Variants in WWOX observed in about 807,000 individuals in gnomAD.
WWOX encodes the protein WW domain containing oxidoreductase.
A neutral mutation model predicts 46.2 loss-of-function variants in WWOX; 69 were observed. That is an observed-to-expected ratio of 1.49 (90% CI 1.23 to 1.82). The LOEUF is 1.82. Ranked by LOEUF, WWOX falls within the 40% of genes most tolerant of loss-of-function variation. The pLI is 0.00. For synonymous variants in WWOX, 359 were observed against 202.6 expected (o/e 1.77, Z -6.56); for missense variants, 919 against 542.6 (o/e 1.69, Z -6.89).
intron 8 of WWOX, among the ~76,000 whole-genome samples, chr16:78,585,468 C>T (rs756463571): frequency 6.6e-6 from 1 of 152,134 alleles, no homozygotes; most frequent in Non-Finnish European, 1.5e-5. Flanking sequence ...GGGCCCCCAA[C>T]TCAACTTTCA....
intron 8 of WWOX, among the ~76,000 whole-genome samples, chr16:78,753,164 G>T (rs554611794): frequency 6.6e-6 from 1 of 152,084 alleles, no homozygotes; most frequent in Non-Finnish European, 1.5e-5. Flanking sequence ...GCCGGGCGTG[G>T]GGGCAGGCGC....
Position 78,623,492 on chromosome 16 carries a change from C to T in WWOX, c.1056+190740C>T, listed in dbSNP as rs978360505. The stretch of plus-strand genomic sequence containing the variant: ...GTCATGAGTTCGAGACCAGCCTGGG[C>T]AACATGCTGAAACCCCATCTCTACT... On this transcript the variant is annotated intron_variant, in intron 8 of 8. Coordinates refer to ENST00000566780, the MANE Select transcript of WWOX (RefSeq NM_016373.4). 2.0e-5 allele frequency among the ~76,000 whole-genome samples: 3 copies of T among 152,198 alleles called. No individual in the cohort carries two copies. In the East Asian group the frequency reaches 5.8e-4, roughly 30 times the overall value.
At chr16:78,869,273 T>G (rs2044074348) in intron 8 of WWOX, among the ~76,000 whole-genome samples, 1 of 152,152 alleles carries the variant, frequency 6.6e-6, no homozygotes, top group African/African-American at 2.4e-5. Context: ...ATGAAACACT[T>G]AGGGGTTAGA....
In WWOX at chr16:79,090,318, T is replaced by TGTGA. The variant is rs1012430367; in HGVS notation, c.1057-121289_1057-121288insTGAG. 3.4e-5 allele frequency among the ~76,000 whole-genome samples: 5 copies of TGTGA among 146,756 alleles called. No homozygotes were observed. In the East Asian group the frequency reaches 5.9e-4, roughly 17 times the overall value. The stretch of plus-strand genomic sequence containing the variant: ...GTGTGTGTGTGTGTGTGTGTGTGTG[T>TGTGA]GATATAATGTGTTGCATTGGTGTCT... On this transcript the variant is annotated intron_variant, in intron 8 of 8. Coordinates refer to ENST00000566780, the MANE Select transcript of WWOX (RefSeq NM_016373.4).
At chr16:78,745,941 C>T (rs1018896769) in intron 8 of WWOX, among the ~76,000 whole-genome samples, 2 of 152,094 alleles carry the variant, frequency 1.3e-5, no homozygotes, top group Non-Finnish European at 2.9e-5. Context: ...GCTGCTCCTT[C>T]CAGCCCTGAC....
intron 8 of WWOX, among the ~76,000 whole-genome samples, chr16:78,971,739 C>CG: frequency 6.6e-6 from 1 of 151,806 alleles, no homozygotes; most frequent in South Asian, 2.1e-4. Context: ...CACCCTCTGC[C>CG]GCCCTGGCCT....
At chr16:78,835,418 G>T (rs866522378) in intron 8 of WWOX, among the ~76,000 whole-genome samples, 34 of 152,182 alleles carry the variant, frequency 2.2e-4, no homozygotes, top group African/African-American at 6.5e-4. Flanking sequence ...TGACTTTAAA[G>T]GGGAAATATT....
chr16:78,484,156 G>C (rs2084568806), intron 8 of WWOX, among the ~76,000 whole-genome samples: 1 of 152,130 alleles, frequency 6.6e-6, no homozygotes, highest in Non-Finnish European at 1.5e-5. Context: ...ATAAACATAT[G>C]AATTTGTAGG....
intron 8 of WWOX, among the ~76,000 whole-genome samples, chr16:78,561,763 A>G (rs1449138564): frequency 6.6e-6 from 1 of 152,200 alleles, no homozygotes; most frequent in African/African-American, 2.4e-5. Flanking sequence ...ACACGGCTTC[A>G]CCTGTGAGCC....
intron 8 of WWOX, among the ~76,000 whole-genome samples, chr16:78,807,155 C>G (rs140210480): frequency 6.6e-6 from 1 of 152,164 alleles, no homozygotes; most frequent in African/African-American, 2.4e-5. Flanking sequence ...ACATTATGGC[C>G]ATTATTTAGG....
chr16:78,772,005 G>C (rs1483488598), intron 8 of WWOX, among the ~76,000 whole-genome samples: 1 of 152,120 alleles, frequency 6.6e-6, no homozygotes, highest in East Asian at 1.9e-4. Context: ...GTATATGTGT[G>C]TTCTTACTGG....
At chr16:78,629,023 A>C (rs966994757) in intron 8 of WWOX, among the ~76,000 whole-genome samples, 5 of 152,144 alleles carry the variant, frequency 3.3e-5, no homozygotes, top group Admixed American at 1.3e-4. Context: ...CGTTCCAAAA[A>C]CTGGATTTTT....
At chr16:79,081,407 A>G (rs765123427) in intron 8 of WWOX, among the ~76,000 whole-genome samples, 2 of 152,142 alleles carry the variant, frequency 1.3e-5, no homozygotes, top group African/African-American at 4.8e-5. Flanking sequence ...CAGGTGATCC[A>G]TCCACTTTGG....
intron 5 of WWOX, among the ~76,000 whole-genome samples, chr16:78,353,944 G>A (rs1400744478): frequency 6.6e-6 from 1 of 152,212 alleles, no homozygotes; most frequent in African/African-American, 2.4e-5. Context: ...GTGAACATCT[G>A]TCTAATTGTT....
At position 78,115,075 on chromosome 16, in the gene WWOX, C is replaced by T; in HGVS notation, c.330C>T (p.Ser110=). The T allele has an allele frequency of 1.2e-6, 2 of 1,614,200 alleles. No individual in the cohort carries two copies. The highest frequency in any genetic ancestry group is 1.7e-6 in the Non-Finnish European group (2 of 1,180,036). The change falls in exon 4 of 9, where the codon AGC becomes AGT. Residue 110 remains serine (S), a synonymous_variant. Coordinates refer to ENST00000566780, the MANE Select transcript of WWOX (RefSeq NM_016373.4). ...CCACCCGGCAAAGATACGACGGCAGCACCACTGCCATGGAAATTCTCCAGG... is the reference window on the plus strand; with the variant it reads ...CCACCCGGCAAAGATACGACGGCAGTACCACTGCCATGGAAATTCTCCAGG... The part of the protein sequence containing the change: ...KPTTRQRYDG[S]TTAMEILQGR...
intron 5 of WWOX, among the ~76,000 whole-genome samples, chr16:78,239,089 TTG>T (rs2037540438): frequency 6.6e-6 from 1 of 152,170 alleles, no homozygotes; most frequent in African/African-American, 2.4e-5. Flanking sequence ...TTCTCAGCTG[TTG>T]TGTGTTTCCT....
At chr16:78,632,198 C>T (rs117612276) in intron 8 of WWOX, among the ~76,000 whole-genome samples, 2,956 of 152,138 alleles carry the variant, frequency 0.019, 230 homozygotes, top group Admixed American at 0.15. Flanking sequence ...CAGAATGCCC[C>T]TGTCTTTCTG....
intron 8 of WWOX, chr16:78,873,226 C>G (rs554518935): frequency 2.6e-5 from 4 of 152,074 alleles, no homozygotes; most frequent in African/African-American, 9.7e-5. Context: ...TGTAATTATG[C>G]TTGATAAAAA....
chr16:78,122,141 A>T (rs1001453113), intron 4 of WWOX, among the ~76,000 whole-genome samples: 3 of 152,194 alleles, frequency 2.0e-5, no homozygotes, highest in African/African-American at 7.2e-5. Flanking sequence ...ATTAAAATTT[A>T]TCCTAGGTAT....
Sources: gnomAD v4.1 joint callset for allele counts (sites outside exome capture counted in the v4.1 genomes callset) on GRCh38, gnomAD v4.1.1 for gene constraint, MANE v1.5 for transcripts, NCBI Gene and HGNC (gene_info 2026-07-23, HGNC 2026-07-21) for gene names.